The following TVP23B variants were observed in gnomAD, a reference collection of about 807,000 sequenced individuals.
TVP23B encodes the protein Golgi apparatus membrane protein TVP23 homolog B.
In TVP23B, 10 loss-of-function variants were observed where a neutral mutation model predicts 30.6. The ratio of observed to expected loss-of-function variants is 0.33; its 90% CI spans 0.20 to 0.55. The LOEUF is 0.55. TVP23B is among the 20% of genes least tolerant of loss of function. The pLI, the probability that TVP23B is intolerant of heterozygous loss-of-function variation, is 0.91. For missense variants in TVP23B, 153 were observed against 243.2 expected, an observed-to-expected ratio of 0.63 and a Z score of 2.47; for synonymous variants, 67 against 83.1, an observed-to-expected ratio of 0.81 and a Z score of 1.06.
rs183034446 is a variant in TVP23B at position 18,802,441 on chromosome 17, T to C, written c.463-1697T>C. On this transcript the variant is annotated intron_variant, in intron 5 of 6. Coordinates refer to ENST00000307767, the MANE Select transcript of TVP23B (RefSeq NM_016078.6). ...GGGATTTTCCTGCCTGTTTGGGTCA[T>C]TGTTAGTTGGGAGGAGTTTCTGCTG... 1.3e-3 allele frequency among the ~76,000 whole-genome samples: 202 copies of C among 152,096 alleles called. 1 individual carries two copies. Among genetic ancestry groups the C allele is most frequent in the Middle Eastern group, 3.4e-3 (1 of 294 alleles).
chr17:18,792,333 G>T (rs2036010678), intron 3 of TVP23B, among the ~76,000 whole-genome samples: 1 of 152,282 alleles, frequency 6.6e-6, no homozygotes, highest in South Asian at 2.1e-4. Context: ...ACTGCGCCTG[G>T]CCATCTTTTA....
At chr17:18,805,162 T>C (rs1238773155) in intron 6 of TVP23B, among the ~76,000 whole-genome samples, 3 of 149,868 alleles carry the variant, frequency 2.0e-5, no homozygotes, top group Non-Finnish European at 3.0e-5. Flanking sequence ...GATCTCGGCT[T>C]ACTGCAAGCT....
chr17:18,799,923 G>T (rs2036133523), intron 5 of TVP23B, among the ~76,000 whole-genome samples: 1 of 151,890 alleles, frequency 6.6e-6, no homozygotes, highest in Admixed American at 6.6e-5. Flanking sequence ...TTTGGATTTG[G>T]AAGCTTATTG....
rs1252770282 is a variant in TVP23B at position 18,799,162 on chromosome 17, G to A, written c.462+219G>A. 1.3e-4 allele frequency: 24 copies of A among 182,512 alleles called. 2 individuals carry two copies. Among genetic ancestry groups the A allele is most frequent in the African/African-American group, 7.6e-4 (23 of 30,096 alleles). 11.3% of individuals were successfully genotyped at this position (182,512 alleles called of 1,614,324 possible). ...TTCCCACCAGTTTTCTAGATTATTA[G>A]TGGTCTTTTCTGGAAATAATGGTTG... On this transcript the variant is annotated intron_variant, in intron 5 of 6. Transcript: ENST00000307767.
chr17:18,796,502 C>T (rs574900459), intron 3 of TVP23B: 2 of 152,312 alleles, frequency 1.3e-5, no homozygotes, highest in East Asian at 1.9e-4. Context: ...GAGATCGCCC[C>T]GTTGCATGCC....
chr17:18,800,734 G>A (rs1461156967), intron 5 of TVP23B, among the ~76,000 whole-genome samples: 1 of 151,488 alleles, frequency 6.6e-6, no homozygotes, highest in African/African-American at 2.4e-5. Context: ...CCAAAGTTTT[G>A]CTTGGAATCA....
chr17:18,793,694 A>G (rs1385831679), intron 3 of TVP23B, among the ~76,000 whole-genome samples: 2 of 152,018 alleles, frequency 1.3e-5, no homozygotes, highest in Non-Finnish European at 2.9e-5. Context: ...AAAACAGTTC[A>G]TAGAGCAAAA....
chr17:18,804,671 C>T (rs954985775), intron 6 of TVP23B: 2 of 809,144 alleles, frequency 2.5e-6, no homozygotes, highest in Non-Finnish European at 3.1e-6. Flanking sequence ...TCACTGCAAC[C>T]TCTGCCCCCC....
intron 5 of TVP23B, 80 bp from the exon 6 acceptor site, chr17:18,804,058 G>C: frequency 8.7e-7 from 1 of 1,154,852 alleles, no homozygotes; most frequent in South Asian, 1.5e-5. Context: ...TCTCATGACA[G>C]TCTGCCTTGT....
intron 5 of TVP23B, among the ~76,000 whole-genome samples, chr17:18,801,257 G>T (rs796464933): frequency 0.012 from 1,743 of 141,672 alleles, 13 homozygotes; most frequent in African/African-American, 0.023. Flanking sequence ...TTTTGGTGGG[G>T]TTTTTTTCTT....
chr17:18,786,786 G>A (rs1319157743), intron 1 of TVP23B, among the ~76,000 whole-genome samples: 2 of 151,454 alleles, frequency 1.3e-5, no homozygotes, highest in Non-Finnish European at 2.9e-5. Flanking sequence ...ATCACTTACT[G>A]CATGAGCTAC....
chr17:18,783,137 C>G (rs1354943919), intron 1 of TVP23B, among the ~76,000 whole-genome samples: 2 of 148,310 alleles, frequency 1.3e-5, no homozygotes, highest in African/African-American at 5.0e-5. Flanking sequence ...CGGAGTTTCA[C>G]TCTTGTTGCC....
intron 2 of TVP23B, among the ~76,000 whole-genome samples, chr17:18,790,324 C>T (rs542560484): frequency 2.6e-5 from 4 of 151,714 alleles, no homozygotes; most frequent in East Asian, 1.9e-4. Context: ...ATTAGCCGGG[C>T]GTGGTGGCAG....
chr17:18,790,809 C>A (rs1239759407), intron 2 of TVP23B, 87 bp from the exon 3 acceptor site: 3 of 1,499,582 alleles, frequency 2.0e-6, no homozygotes, highest in Non-Finnish European at 2.7e-6. Flanking sequence ...TTCACAGTTA[C>A]ACGATGGCTA....
At position 18,805,916 on chromosome 17, in the gene TVP23B, T is replaced by C. The variant is rs2036244819; in HGVS notation, c.*349T>C. On this transcript the variant is annotated 3_prime_UTR_variant, in exon 7 of 7. Transcript: ENST00000307767. ...ATGGAGACCTTTGCATTTTGATCCATAGAACATAGGAGGATGTTCTTAGTC... is the reference window on the plus strand; with the variant it reads ...ATGGAGACCTTTGCATTTTGATCCACAGAACATAGGAGGATGTTCTTAGTC... 9.6e-7 allele frequency: 1 copy of C among 1,037,074 alleles called. No individual in the cohort carries two copies. Among genetic ancestry groups the C allele is most frequent in the East Asian group, 7.1e-5 (1 of 14,000 alleles). The allele number at this position is 1,037,074 out of a possible 1,614,324, so 64.2% of individuals were successfully genotyped here. A position where few individuals can be genotyped will look rare whatever the true frequency, so the allele number is the denominator to read the frequency against.
chr17:18,793,317 G>A (rs527581255), intron 3 of TVP23B, among the ~76,000 whole-genome samples: 1 of 151,970 alleles, frequency 6.6e-6, no homozygotes, highest in East Asian at 1.9e-4. Context: ...AAAATTTAAT[G>A]GCAACTATGG....
At chr17:18,784,545 T>C (rs553720541) in intron 1 of TVP23B, among the ~76,000 whole-genome samples, 1 of 152,158 alleles carries the variant, frequency 6.6e-6, no homozygotes, top group East Asian at 2.0e-4. Context: ...CTCGGGAGGC[T>C]GAGGCTGACG....
At chr17:18,790,463 C>CA (rs1465361992) in intron 2 of TVP23B, among the ~76,000 whole-genome samples, 294 of 24,498 alleles carry the variant, frequency 0.012, 6 homozygotes, top group East Asian at 0.035. Context: ...GACTCCGTCT[C>CA]AAAAAAAAAA....
intron 5 of TVP23B, among the ~76,000 whole-genome samples, chr17:18,802,209 G>A (rs555507285): frequency 3.0e-4 from 46 of 152,100 alleles, no homozygotes; most frequent in African/African-American, 2.9e-4. Flanking sequence ...GCAACAGAGC[G>A]AGACTCCATC....
Sources: gnomAD v4.1 joint callset for allele counts (sites outside exome capture counted in the v4.1 genomes callset) on GRCh38, gnomAD v4.1.1 for gene constraint, MANE v1.5 for transcripts, NCBI Gene and HGNC (gene_info 2026-07-23, HGNC 2026-07-21) for gene names.